Variants in ATG2A observed in about 807,000 individuals in gnomAD.
ATG2A encodes the protein autophagy related 2A.
In ATG2A, 103 loss-of-function variants were observed where a neutral mutation model predicts 214.2. That is an observed-to-expected ratio of 0.48 (90% CI 0.41 to 0.57). The LOEUF is 0.57. Ranked by LOEUF, ATG2A falls within the 20% of genes least tolerant of loss-of-function variation. ATG2A has a pLI of 0.00. For missense variants in ATG2A, 2,312 were observed against 2,613.2 expected (o/e 0.88, Z 2.51); for synonymous variants, 1,160 against 1,142.1 (o/e 1.02, Z -0.32).
Position 64,913,548 on chromosome 11 carries a change from G to T in ATG2A, c.591-147C>A. ...CACCTAGGCCGTCCTGAACCACCAT[G>T]TCCAGCCCGGAGGCTCAGGCCAGCC... On this transcript the variant is annotated intron_variant, in intron 4 of 40. Coordinates refer to ENST00000377264, the MANE Select transcript of ATG2A (RefSeq NM_015104.3). This position sits in a 1 kb window ranked among gnomAD's most constrained non-coding sequence, Gnocchi z 4.3. 1 of 1,128,698 alleles carries T rather than the reference G, an allele frequency of 8.9e-7. No individual in the cohort carries two copies. Among genetic ancestry groups the T allele is most frequent in the Non-Finnish European group, 1.2e-6 (1 of 818,634 alleles). The allele number at this position is 1,128,698 out of a possible 1,614,324, so 69.9% of individuals were successfully genotyped here.
At position 64,895,187 on chromosome 11, in the gene ATG2A, G is replaced by A; in HGVS notation, c.5603C>T (p.Thr1868Ile). 1 of 1,613,112 alleles carries A rather than the reference G, an allele frequency of 6.2e-7. No homozygotes were observed. The highest frequency in any genetic ancestry group is 1.3e-5 in the African/African-American group (1 of 75,048). ...GCCCCGCGATGCCACGTCACAGATGGTCTGAGCTGTATCCAAGATGCCCTG... is the reference window on the plus strand; with the variant it reads ...GCCCCGCGATGCCACGTCACAGATGATCTGAGCTGTATCCAAGATGCCCTG... ...VREGILDTAQ[T>I]ICDVASRGHE... Residue 1868 changes from threonine (T) to isoleucine (I), a missense_variant, in exon 41 of 41, where the codon ACC (threonine) becomes ATC (isoleucine). By Grantham distance (89) the Thr-to-Ile change is moderately conservative. Coordinates refer to ENST00000377264, the MANE Select transcript of ATG2A (RefSeq NM_015104.3). This position sits in a 1 kb window ranked among gnomAD's most constrained non-coding sequence, Gnocchi z 5.0.
At chr11:64,904,416 G>T (rs1944465342) in intron 24 of ATG2A, among the ~76,000 whole-genome samples, 1 of 151,712 alleles carries the variant, frequency 6.6e-6, no homozygotes, top group African/African-American at 2.4e-5. Flanking sequence ...GTGGTGGTGG[G>T]TGCCTGTTGT....
At position 64,913,003 on chromosome 11, in the gene ATG2A, G is replaced by A; in HGVS notation, c.825+35C>T. ...TGAGGAGGAGGAGTCTTGAGATGGG[G>A]TACTCACCCCCTCCCCAGGGGCCTG... On this transcript the variant is annotated intron_variant, in intron 6 of 40. Coordinates refer to ENST00000377264, the MANE Select transcript of ATG2A (RefSeq NM_015104.3). This position sits in a 1 kb window ranked among gnomAD's most constrained non-coding sequence, Gnocchi z 4.3. 9 of 1,446,258 alleles carry A rather than the reference G, an allele frequency of 6.2e-6. No homozygotes were observed. Among genetic ancestry groups the A allele is most frequent in the Non-Finnish European group, 8.4e-6 (9 of 1,072,116 alleles). 89.6% of individuals were successfully genotyped at this position (1,446,258 alleles called of 1,614,324 possible). A position where few individuals can be genotyped will look rare whatever the true frequency, so the allele number is the denominator to read the frequency against.
Position 64,906,202 on chromosome 11 carries a change from G to T in ATG2A, c.3184-9C>A. On this transcript the variant is annotated splice_polypyrimidine_tract_variant and intron_variant, in intron 21 of 40. Coordinates refer to ENST00000377264, the MANE Select transcript of ATG2A (RefSeq NM_015104.3). The stretch of plus-strand genomic sequence containing the variant: ...AGTGTCACCAGGAACTCCTGAGGGT[G>T]GGGGCGCAGTCAGGGCAGTGGGGAG... 1 of 1,611,382 alleles carries T rather than the reference G, an allele frequency of 6.2e-7. No individual in the cohort carries two copies. Among genetic ancestry groups the T allele is most frequent in the Admixed American group, 1.7e-5 (1 of 59,732 alleles).
In ATG2A at chr11:64,913,203, G is replaced by T; in HGVS notation, c.726+63C>A. 1 of 1,610,768 alleles carries T rather than the reference G, an allele frequency of 6.2e-7. No individual in the cohort carries two copies. The highest frequency in any genetic ancestry group is 8.5e-7 in the Non-Finnish European group (1 of 1,178,970). ...GGAGTCAGAGATGGTCAGAAAGGAT[G>T]GGAGGGGCTCAATGGGCTCAAGGGA... On this transcript the variant is annotated intron_variant, in intron 5 of 40. Coordinates refer to ENST00000377264, the MANE Select transcript of ATG2A (RefSeq NM_015104.3). This position sits in a 1 kb window ranked among gnomAD's most constrained non-coding sequence, Gnocchi z 4.3.
chr11:64,916,932 C>T (rs1945012309), intron 1 of ATG2A, 33 bp downstream of exon 1: 3 of 1,609,672 alleles, frequency 1.9e-6, no homozygotes, highest in Admixed American at 3.3e-5. Context: ...TCCCACCCTC[C>T]GCACCTTCCT....
Position 64,896,563 on chromosome 11 carries a change from C to T in ATG2A, c.5326G>A (p.Gly1776Ser). The change falls in exon 39 of 41, where the codon GGC becomes AGC. Residue 1776 changes from glycine to serine, a missense_variant. Transcript: ENST00000377264. Reference protein sequence around the residue: ...WLPIEQYRKDGRLMRGLQRGA... With the variant: ...WLPIEQYRKDSRLMRGLQRGA... Reference sequence around the variant, plus strand: ...CGCTGCAGCCCCCGCATGAGGCGGCCATCCTTCCTGTACTGCTCAATGGGC... The same window carrying T: ...CGCTGCAGCCCCCGCATGAGGCGGCTATCCTTCCTGTACTGCTCAATGGGC... 1.2e-6 allele frequency: 2 copies of T among 1,614,028 alleles called. No homozygotes were observed. The highest frequency in any genetic ancestry group is 1.7e-6 in the Non-Finnish European group (2 of 1,179,974).
intron 37 of ATG2A, 45 bp downstream of exon 37, chr11:64,897,338 CACACAACCAGTCAGGACCAGAACAGAAGG>C: frequency 6.6e-7 from 1 of 1,515,072 alleles, no homozygotes; most frequent in South Asian, 1.2e-5. Flanking sequence ...TGGCCAAGGC[CACACAACCAGTCAGGACCAGAACAGAAGG>C]AAGATCAGGG....
In ATG2A at chr11:64,906,755, C is replaced by T. The variant is rs1031693417; in HGVS notation, c.2893G>A (p.Gly965Ser). Reference sequence around the variant, plus strand: ...TACTGGGAGACGCTGAAGAGGGTACCGTGCTCCATGTCCAGCACCAGCTCC... The same window carrying T: ...TACTGGGAGACGCTGAAGAGGGTACTGTGCTCCATGTCCAGCACCAGCTCC... ...HGELVLDMEH[G>S]TLFSVSQYCG... The change falls in exon 20 of 41, where the codon GGT becomes AGT. Residue 965 changes from glycine to serine, a missense_variant. Gly to Ser is a moderately conservative substitution (Grantham distance 56). Coordinates refer to ENST00000377264, the MANE Select transcript of ATG2A (RefSeq NM_015104.3). The T allele has an allele frequency of 5.0e-6, 8 of 1,613,404 alleles. No individual in the cohort carries two copies. Among genetic ancestry groups the T allele is most frequent in the East Asian group, 2.2e-5 (1 of 44,890 alleles).
intron 31 of ATG2A, among the ~76,000 whole-genome samples, chr11:64,899,387 G>A (rs1206335529): frequency 6.6e-6 from 1 of 152,000 alleles, no homozygotes; most frequent in Admixed American, 6.6e-5. Context: ...CCCTCTTCCT[G>A]CACACCCGCT....
Position 64,903,408 on chromosome 11 carries a change from C to T in ATG2A, c.3536-44G>A, listed in dbSNP as rs71468678. On this transcript the variant is annotated intron_variant, in intron 25 of 40. Coordinates refer to ENST00000377264, the MANE Select transcript of ATG2A (RefSeq NM_015104.3). This position sits in a 1 kb window ranked among gnomAD's most constrained non-coding sequence, Gnocchi z 4.2. ...AAAGGTCCTGTGGCCCCCTTCCACCCGGCCCCGGCCCCAGCACCTGGGGGA... is the reference window on the plus strand; with the variant it reads ...AAAGGTCCTGTGGCCCCCTTCCACCTGGCCCCGGCCCCAGCACCTGGGGGA... 34 of 1,601,822 alleles carry T rather than the reference C, an allele frequency of 2.1e-5. No homozygotes were observed. The highest frequency in any genetic ancestry group is 7.7e-5 in the South Asian group (7 of 90,418).
chr11:64,914,683 G>A (rs888278599), intron 1 of ATG2A, among the ~76,000 whole-genome samples, 183 bp from the exon 2 acceptor site: 5 of 152,010 alleles, frequency 3.3e-5, no homozygotes, highest in Admixed American at 6.6e-5. Flanking sequence ...CCCCTACCCC[G>A]TCACCCAAAG....
rs201943955 is a variant in ATG2A at position 64,894,748 on chromosome 11, G to A, written c.*225C>T. ...GCAGTGTGGGCCCAGGTCGGGGGAGGGGCAGTGTCCTTTCTCCCCGGAGGA... is the reference window on the plus strand; with the variant it reads ...GCAGTGTGGGCCCAGGTCGGGGGAGAGGCAGTGTCCTTTCTCCCCGGAGGA... On this transcript the variant is annotated 3_prime_UTR_variant, in exon 41 of 41. Coordinates refer to ENST00000377264, the MANE Select transcript of ATG2A (RefSeq NM_015104.3). 7 of 711,742 alleles carry A rather than the reference G, an allele frequency of 9.8e-6. No homozygotes were observed. Among genetic ancestry groups the A allele is most frequent in the African/African-American group, 7.0e-5 (4 of 57,424 alleles). The allele number at this position is 711,742 out of a possible 1,614,324, so 44.1% of individuals were successfully genotyped here.
rs1353442747 is a variant in ATG2A at position 64,911,916 on chromosome 11, G to T, written c.1154C>A (p.Ser385Tyr). ...VASALSELSL[S>Y]DVDLASSVRS... ...CACAGAGGAGGCCAGGTCTACATCG[G>T]AGAGGGAGAGCTCAGAGAGGGCTGA... The change falls in exon 9 of 41, where the codon TCC (serine) becomes TAC (tyrosine). Residue 385 changes from serine (S) to tyrosine (Y), a missense_variant. Ser to Tyr is a moderately radical substitution (Grantham distance 144). Transcript: ENST00000377264. 2 of 1,613,586 alleles carry T rather than the reference G, an allele frequency of 1.2e-6. No homozygotes were observed. Among genetic ancestry groups the T allele is most frequent in the African/African-American group, 2.7e-5 (2 of 74,932 alleles).
chr11:64,898,514 C>A lies in ATG2A; in HGVS notation c.4671+122G>T. On this transcript the variant is annotated intron_variant, in intron 32 of 40. Coordinates refer to ENST00000377264, the MANE Select transcript of ATG2A (RefSeq NM_015104.3). The surrounding 1 kb of genome is among the most constrained non-coding windows in gnomAD (Gnocchi z 4.5). The stretch of plus-strand genomic sequence containing the variant: ...CCTAGCTCTGCCCTTCTCCCAGGCT[C>A]ACAAACAACCTGGGTGTTTGTGTGG... 7 of 1,377,452 alleles carry A rather than the reference C, an allele frequency of 5.1e-6. No homozygotes were observed. The highest frequency in any genetic ancestry group is 7.0e-6 in the Non-Finnish European group (7 of 996,330). 85.3% of individuals were successfully genotyped at this position (1,377,452 alleles called of 1,614,324 possible).
intron 22 of ATG2A, 95 bp downstream of exon 22, chr11:64,906,018 T>C: frequency 6.9e-7 from 1 of 1,454,350 alleles, no homozygotes; most frequent in Non-Finnish European, 9.3e-7. Flanking sequence ...CAGTCCATGT[T>C]CCTCCCACCG....
At position 64,896,829 on chromosome 11, in the gene ATG2A, C is replaced by T. The variant is rs774394054; in HGVS notation, c.5191G>A (p.Glu1731Lys). The T allele has an allele frequency of 5.6e-6, 9 of 1,614,162 alleles. No homozygotes were observed. The East Asian group carries it at 6.7e-5, about 12-fold the overall frequency. ...TTCTTGCGGATGTCCTGCAGCCACT[C>T]GTTGAGGGCATAGCCCAGCACCTTG... ...VDKVLGYALN[E>K]WLQDIRKNQL... The change falls in exon 38 of 41, where the codon GAG (glutamate) becomes AAG (lysine). Residue 1731 changes from glutamate to lysine, a missense_variant. Transcript: ENST00000377264.
intron 24 of ATG2A, among the ~76,000 whole-genome samples, chr11:64,904,916 C>T (rs12286941): frequency 0.088 from 13,355 of 152,104 alleles, 969 homozygotes; most frequent in African/African-American, 0.2. Context: ...AGTGCAGTGG[C>T]GCAATCTTCG....
rs1450419596 is a variant in ATG2A, at chr11:64,902,502, G to A, written c.3777+14C>T. On this transcript the variant is annotated intron_variant, in intron 27 of 40. Coordinates refer to ENST00000377264, the MANE Select transcript of ATG2A (RefSeq NM_015104.3). ...CGAGCTCTGGTAGCCTGTGTGGCCA[G>A]GCCTCACCTGTACCTTCTGGCCGGC... 6 of 1,543,542 alleles carry A rather than the reference G, an allele frequency of 3.9e-6. No individual in the cohort carries two copies. The South Asian group carries it at 6.0e-5, about 15-fold the overall frequency.
Sources: allele counts gnomAD v4.1 joint callset (sites outside exome capture counted in the v4.1 genomes callset), GRCh38; gene constraint gnomAD v4.1.1; non-coding constraint Gnocchi (gnomAD v3.1); transcripts MANE v1.5; gene names NCBI Gene and HGNC (gene_info 2026-07-23, HGNC 2026-07-21).